Variants in FOLH1 observed in about 807,000 individuals in gnomAD.
FOLH1 encodes folate hydrolase 1.
FOLH1 carries 54 observed loss-of-function variants against 93.9 expected under a neutral mutation model. The ratio of observed to expected loss-of-function variants is 0.57; its 90% confidence interval spans 0.46 to 0.72. The LOEUF (loss-of-function observed/expected upper bound fraction) is 0.72, where lower values mean the gene tolerates loss of function less well. FOLH1 is among the 30% of genes least tolerant of loss of function. The pLI is 0.00. For missense variants in FOLH1, 571 were observed against 892.5 expected (o/e 0.64, Z 4.59); for synonymous variants, 249 against 303.6 (o/e 0.82, Z 1.87).
chr11:49,159,973 A>G (rs933634273), intron 13 of FOLH1, among the ~76,000 whole-genome samples: 3 of 150,628 alleles, frequency 2.0e-5, no homozygotes, highest in African/African-American at 7.4e-5. Flanking sequence ...CCTGAGCTAG[A>G]GTGCAATTGC....
chr11:49,193,080 A>G (rs1427205952), intron 3 of FOLH1, among the ~76,000 whole-genome samples, 186 bp from the exon 4 acceptor site: 1 of 152,232 alleles, frequency 6.6e-6, no homozygotes, highest in Non-Finnish European at 1.5e-5. Flanking sequence ...AGATGAATAA[A>G]TCACAGATTC....
At chr11:49,178,275 C>T (rs1445574028) in intron 7 of FOLH1, among the ~76,000 whole-genome samples, 3 of 152,138 alleles carry the variant, frequency 2.0e-5, no homozygotes, top group Non-Finnish European at 4.4e-5. Flanking sequence ...ACACTTTTTC[C>T]GGGACCTCTC....
chr11:49,184,141 A>T (rs1359161192), intron 6 of FOLH1, among the ~76,000 whole-genome samples: 1 of 151,898 alleles, frequency 6.6e-6, no homozygotes, highest in Admixed American at 6.6e-5. Flanking sequence ...CCTTGTTTTT[A>T]TGGGTAAAAT....
At chr11:49,168,059 T>G (rs1858659581) in intron 12 of FOLH1, among the ~76,000 whole-genome samples, 2 of 141,496 alleles carry the variant, frequency 1.4e-5, no homozygotes, top group Admixed American at 1.4e-4. Context: ...TTTTTTTTTT[T>G]GCAACCATAC....
Position 49,154,759 on chromosome 11 carries a change from G to A in FOLH1, c.1624-267C>T, listed in dbSNP as rs139506519. Reference sequence around the variant, plus strand: ...ACCAAACTGGCTTGCCTCTAAGAATGCAGAACATTGCATTCTTAGATTCAT... The same window carrying A: ...ACCAAACTGGCTTGCCTCTAAGAATACAGAACATTGCATTCTTAGATTCAT... On this transcript the variant is annotated intron_variant, in intron 15 of 18. Coordinates refer to ENST00000256999, the MANE Select transcript of FOLH1 (RefSeq NM_004476.3). Among the ~76,000 whole-genome samples, 3 of 151,960 alleles carry A rather than the reference G, an allele frequency of 2.0e-5. No individual in the cohort carries two copies. In the East Asian group the frequency reaches 5.8e-4, roughly 29 times the overall value.
chr11:49,174,948 T>C lies in FOLH1; in HGVS notation c.1049A>G (p.Asn350Ser), dbSNP rs982300341. The C allele has an allele frequency of 1.2e-6, 2 of 1,610,962 alleles. No homozygotes were observed. The highest frequency in any genetic ancestry group is 1.7e-6 in the Non-Finnish European group (2 of 1,178,258). The change falls in exon 9 of 19, where the codon AAT becomes AGT. Residue 350 changes from asparagine to serine, a missense_variant. Coordinates refer to ENST00000256999, the MANE Select transcript of FOLH1 (RefSeq NM_004476.3). The stretch of plus-strand genomic sequence containing the variant: ...CACATTGTAAATTCTTGTCACTTCA[T>C]TGGTAGAGTGGATGTGCATCTTGAC... Reference protein sequence around the residue: ...QKVKMHIHSTNEVTRIYNVIG... With the variant: ...QKVKMHIHSTSEVTRIYNVIG...
At chr11:49,194,854 C>A (rs1389979137) in intron 3 of FOLH1, among the ~76,000 whole-genome samples, 1 of 151,802 alleles carries the variant, frequency 6.6e-6, no homozygotes, top group Non-Finnish European at 1.5e-5. Flanking sequence ...ATTTCATCAA[C>A]AATTCTGTTT....
At chr11:49,183,368 A>G (rs1348410756) in intron 6 of FOLH1, 126 bp from the exon 7 acceptor site, 2 of 711,900 alleles carry the variant, frequency 2.8e-6, no homozygotes, top group Middle Eastern at 2.7e-4. Flanking sequence ...CAGATTAACA[A>G]TTCAAATGTT....
chr11:49,201,041 T>A (rs1265918172), intron 2 of FOLH1, among the ~76,000 whole-genome samples: 3 of 152,000 alleles, frequency 2.0e-5, no homozygotes, highest in Non-Finnish European at 4.4e-5. Flanking sequence ...AAGAGGAATA[T>A]CTTTAACAAA....
At chr11:49,207,925 A>G (rs1420190817) in intron 1 of FOLH1, 1 of 478,368 alleles carries the variant, frequency 2.1e-6, no homozygotes, top group African/African-American at 2.1e-5. Context: ...AAGAATGCAC[A>G]GAGAGGTAAA....
chr11:49,155,465 G>A (rs1311456210), intron 15 of FOLH1: 1 of 161,770 alleles, frequency 6.2e-6, no homozygotes, highest in African/African-American at 2.4e-5. Context: ...TCTGTATTTG[G>A]AGTTGAGCTC....
intron 7 of FOLH1, among the ~76,000 whole-genome samples, chr11:49,180,835 A>G (rs111288955): frequency 0.013 from 1,999 of 152,312 alleles, 46 homozygotes; most frequent in African/African-American, 0.046. Context: ...TGAAATTTTG[A>G]ATGTAAAATG....
intron 4 of FOLH1, among the ~76,000 whole-genome samples, chr11:49,188,512 CAAAA>C (rs149444698): frequency 7.6e-6 from 1 of 130,924 alleles, no homozygotes; most frequent in African/African-American, 2.9e-5. Flanking sequence ...GACTTGGTCT[CAAAA>C]AAAAAAAAAA....
intron 7 of FOLH1, among the ~76,000 whole-genome samples, chr11:49,178,148 C>T (rs1344936915): frequency 6.6e-6 from 1 of 152,124 alleles, no homozygotes; most frequent in Non-Finnish European, 1.5e-5. Flanking sequence ...GAAATTCACA[C>T]CCTATGCAAA....
At chr11:49,190,606 G>T (rs1361948483) in intron 4 of FOLH1, among the ~76,000 whole-genome samples, 1 of 152,088 alleles carries the variant, frequency 6.6e-6, no homozygotes, top group Admixed American at 6.6e-5. Context: ...AAACTCTCAG[G>T]CTCCACCCCA....
At chr11:49,185,115 G>A (rs1344835450) in intron 6 of FOLH1, among the ~76,000 whole-genome samples, 2 of 152,072 alleles carry the variant, frequency 1.3e-5, no homozygotes, top group Admixed American at 6.6e-5. Context: ...TGCATTTCCT[G>A]GGCCCTATAT....
chr11:49,208,490 G>C lies in FOLH1; in HGVS notation c.-81C>G, dbSNP rs1239502560. ...GCGCGCCCTCCAACCACCACGGCGG[G>C]GTAAAGTCTCTCTCAATCTCACTAA... is the stretch of plus-strand genomic sequence containing the variant. On this transcript the variant is annotated 5_prime_UTR_variant, in exon 1 of 19. Transcript: ENST00000256999. 1 of 963,602 alleles carries C rather than the reference G, an allele frequency of 1.0e-6. No individual in the cohort carries two copies. The highest frequency in any genetic ancestry group is 2.6e-5 in the East Asian group (1 of 38,172). The allele number at this position is 963,602 out of a possible 1,614,324, so 59.7% of individuals were successfully genotyped here.
At chr11:49,149,745 C>T (rs1856264697) in intron 17 of FOLH1, among the ~76,000 whole-genome samples, 1 of 152,010 alleles carries the variant, frequency 6.6e-6, no homozygotes, top group Admixed American at 6.6e-5. Context: ...AATGAATTTT[C>T]TCAGTTAAAA....
chr11:49,176,427 G>A (rs1423885633), intron 7 of FOLH1, among the ~76,000 whole-genome samples: 1 of 152,134 alleles, frequency 6.6e-6, no homozygotes, highest in African/African-American at 2.4e-5. Context: ...CATTTCAGAA[G>A]CCCCTAAAAG....
Sources: gnomAD v4.1 joint callset for allele counts (sites outside exome capture counted in the v4.1 genomes callset) on GRCh38, gnomAD v4.1.1 for gene constraint, MANE v1.5 for transcripts, NCBI Gene and HGNC (gene_info 2026-07-23, HGNC 2026-07-21) for gene names.